The following SLC38A6 variants were observed in gnomAD, a reference collection of about 807,000 sequenced individuals.
SLC38A6 encodes N system amino acid transporter NAT-1.
Under a neutral mutation model 65.0 loss-of-function variants are expected in SLC38A6, and 73 were observed. The ratio of observed to expected loss-of-function variants is 1.12; its 90% CI spans 0.93 to 1.37. The LOEUF (loss-of-function observed/expected upper bound fraction) is 1.37. Among genes scored for constraint, SLC38A6 ranks in the 40% most tolerant of loss-of-function variants. The pLI, the probability that SLC38A6 is intolerant of heterozygous loss-of-function variation, is 0.00. For missense variants in SLC38A6, 561 were observed against 531.1 expected, an observed-to-expected ratio of 1.06 and a Z score of -0.55; for synonymous variants, 183 against 178.8, an observed-to-expected ratio of 1.02 and a Z score of -0.19.
chr14:61,075,694 T>TA (rs1187573714), intron 15 of SLC38A6, among the ~76,000 whole-genome samples: 1 of 151,986 alleles, frequency 6.6e-6, no homozygotes, highest in Non-Finnish European at 1.5e-5. Context: ...CATTTCCCCT[T>TA]ACGGTCATCT....
chr14:61,006,208 C>A (rs1465330146), intron 3 of SLC38A6, among the ~76,000 whole-genome samples: 5 of 152,162 alleles, frequency 3.3e-5, no homozygotes, highest in African/African-American at 4.8e-5. Flanking sequence ...AACATTAGAT[C>A]TAAAACCATA....
At chr14:60,989,378 T>C (rs550562007) in intron 3 of SLC38A6, among the ~76,000 whole-genome samples, 14 of 152,296 alleles carry the variant, frequency 9.2e-5, no homozygotes, top group African/African-American at 2.6e-4. Flanking sequence ...CTCTTTTACT[T>C]TGCATCTTTT....
At chr14:61,048,359 T>G (rs1013999775) in intron 12 of SLC38A6, 8 of 325,044 alleles carry the variant, frequency 2.5e-5, no homozygotes, top group Admixed American at 4.2e-5. Context: ...CTTTGTAAAC[T>G]TAATACCCTG....
chr14:61,012,435 T>A (rs1173099257), intron 3 of SLC38A6, among the ~76,000 whole-genome samples: 1 of 152,184 alleles, frequency 6.6e-6, no homozygotes, highest in Non-Finnish European at 1.5e-5. Context: ...AGCTTTTGAA[T>A]GTGTTTGCTC....
intron 3 of SLC38A6, among the ~76,000 whole-genome samples, chr14:61,010,428 G>A (rs956921035): frequency 3.3e-5 from 5 of 152,066 alleles, no homozygotes; most frequent in African/African-American, 9.7e-5. Context: ...ATTGCTTTTG[G>A]TGTTTTAGAC....
intron 16 of SLC38A6, among the ~76,000 whole-genome samples, chr14:61,080,627 C>G (rs1029400342): frequency 6.6e-6 from 1 of 152,210 alleles, no homozygotes; most frequent in Admixed American, 6.5e-5. Context: ...GCTTTTGTCT[C>G]TGCATGAAGG....
chr14:61,025,819 T>C (rs2040582373), intron 5 of SLC38A6, among the ~76,000 whole-genome samples: 1 of 152,174 alleles, frequency 6.6e-6, no homozygotes, highest in Admixed American at 6.5e-5. Context: ...ATTTAGATAT[T>C]TTGTGGGACC....
intron 3 of SLC38A6, among the ~76,000 whole-genome samples, chr14:61,012,501 G>A (rs1037123473): frequency 6.6e-6 from 1 of 152,112 alleles, no homozygotes; most frequent in African/African-American, 2.4e-5. Context: ...GATCTTTCCT[G>A]CTTTCTCTTG....
At chr14:60,990,799 G>A (rs1308869969) in intron 3 of SLC38A6, among the ~76,000 whole-genome samples, 2 of 151,950 alleles carry the variant, frequency 1.3e-5, no homozygotes, top group Non-Finnish European at 2.9e-5. Context: ...ACTAACCTCA[G>A]CCTCCTGAGC....
At chr14:61,069,814 C>T (rs1056851744) in intron 15 of SLC38A6, among the ~76,000 whole-genome samples, 8 of 152,108 alleles carry the variant, frequency 5.3e-5, no homozygotes, top group African/African-American at 1.9e-4. Context: ...AAAATACCCT[C>T]CCATCCAATT....
At chr14:61,014,671 T>A (rs2139523682) in intron 3 of SLC38A6, among the ~76,000 whole-genome samples, 1 of 152,304 alleles carries the variant, frequency 6.6e-6, no homozygotes, top group South Asian at 2.1e-4. Context: ...TTTGTCTGGG[T>A]ATCAGCAGCA....
chr14:61,043,164 G>T lies in SLC38A6; in HGVS notation c.642G>T (p.Trp214Cys). Reference protein sequence around the residue: ...FFALVVIIKKWSIPCPLTLNY... With the variant: ...FFALVVIIKKCSIPCPLTLNY... ...TTTTTTAGGTAATAATTAAAAAATG[G>T]TCCATCCCTTGTCCTCTGACATTAA... Residue 214 changes from tryptophan to cysteine, a missense_variant, in exon 9 of 16, where the codon TGG becomes TGT. By Grantham distance (215) the Trp-to-Cys change is radical. Transcript: ENST00000267488. 1.3e-6 allele frequency: 2 copies of T among 1,537,074 alleles called. No individual in the cohort carries two copies. The highest frequency in any genetic ancestry group is 1.7e-4 in the Middle Eastern group (1 of 5,900).
intron 15 of SLC38A6, among the ~76,000 whole-genome samples, chr14:61,066,443 G>T (rs559199341): frequency 6.6e-5 from 10 of 152,222 alleles, no homozygotes; most frequent in Admixed American, 2.0e-4. Flanking sequence ...AGGTGGGCAG[G>T]TGGGAATAAG....
At chr14:61,029,307 C>T (rs1232447248) in intron 5 of SLC38A6, among the ~76,000 whole-genome samples, 1 of 152,080 alleles carries the variant, frequency 6.6e-6, no homozygotes. Flanking sequence ...CAGGCAACTG[C>T]CACCACGCCT....
chr14:61,035,622 A>G (rs953130903), intron 6 of SLC38A6, among the ~76,000 whole-genome samples: 2 of 152,164 alleles, frequency 1.3e-5, no homozygotes, highest in Non-Finnish European at 2.9e-5. Context: ...ATCACTAGCA[A>G]TGTATGAAGT....
chr14:60,984,927 C>G (rs951576777), intron 3 of SLC38A6, 124 bp downstream of exon 3: 1 of 899,950 alleles, frequency 1.1e-6, no homozygotes, highest in Non-Finnish European at 1.7e-6. Flanking sequence ...ATAGGGTGAT[C>G]GGAATGGAGA....
intron 4 of SLC38A6, among the ~76,000 whole-genome samples, chr14:61,017,292 G>A (rs538475335): frequency 5.3e-5 from 8 of 152,092 alleles, no homozygotes; most frequent in African/African-American, 9.7e-5. Flanking sequence ...CACCTGCCTC[G>A]GCCTCCCAAC....
At chr14:60,988,164 C>G (rs1295663750) in intron 3 of SLC38A6, among the ~76,000 whole-genome samples, 1 of 152,164 alleles carries the variant, frequency 6.6e-6, no homozygotes, top group Non-Finnish European at 1.5e-5. Flanking sequence ...CTGTAGTTCT[C>G]TCAAGTGGTC....
chr14:61,071,261 A>G (rs2043216127), intron 15 of SLC38A6, among the ~76,000 whole-genome samples: 1 of 152,188 alleles, frequency 6.6e-6, no homozygotes, highest in African/African-American at 2.4e-5. Flanking sequence ...ATCTTTGTAT[A>G]CATATGTCAT....
Sources: allele counts gnomAD v4.1 joint callset (sites outside exome capture counted in the v4.1 genomes callset), GRCh38; gene constraint gnomAD v4.1.1; transcripts MANE v1.5; gene names NCBI Gene and HGNC (gene_info 2026-07-23, HGNC 2026-07-21).